ALS2: variants seen among roughly 807,000 people sequenced by gnomAD.
ALS2 encodes the protein alsin Rho guanine nucleotide exchange factor ALS2.
Under a neutral mutation model 203.4 loss-of-function variants are expected in ALS2, and 117 were observed. That is an observed-to-expected ratio of 0.58 (90% CI 0.50 to 0.67). ALS2 has a LOEUF of 0.67. Among genes scored for constraint, ALS2 ranks in the 30% least tolerant of loss-of-function variants. The pLI is 0.00. For missense variants in ALS2, 1,715 were observed against 1,989.4 expected, an observed-to-expected ratio of 0.86 and a Z score of 2.62; for synonymous variants, 718 against 725.9, an observed-to-expected ratio of 0.99 and a Z score of 0.17.
At chr2:201,735,406 G>T (rs1691814548) in intron 12 of ALS2, among the ~76,000 whole-genome samples, 1 of 152,130 alleles carries the variant, frequency 6.6e-6, no homozygotes, top group Non-Finnish European at 1.5e-5. Flanking sequence ...AAAAAAACTT[G>T]CATAATAATC....
chr2:201,724,943 C>T (rs1457820470), intron 20 of ALS2, among the ~76,000 whole-genome samples: 1 of 151,938 alleles, frequency 6.6e-6, no homozygotes, highest in Non-Finnish European at 1.5e-5. Context: ...GAAACCCTGT[C>T]TCTACTAAAA....
intron 1 of ALS2, 78 bp from the exon 2 acceptor site, chr2:201,769,023 T>G: frequency 1.5e-6 from 1 of 668,014 alleles, no homozygotes; most frequent in South Asian, 2.0e-5. Context: ...AAAGCAGCCC[T>G]CTAACAAGTG....
chr2:201,765,731 T>C (rs1281051353), intron 3 of ALS2: 3 of 167,082 alleles, frequency 1.8e-5, no homozygotes, highest in Non-Finnish European at 4.4e-5. Flanking sequence ...GTTGATAAAG[T>C]GCCATTAAGA....
chr2:201,702,305 C>T (rs1340409378), intron 33 of ALS2, among the ~76,000 whole-genome samples: 3 of 151,904 alleles, frequency 2.0e-5, no homozygotes, highest in Non-Finnish European at 4.4e-5. Flanking sequence ...GGAGTCATAA[C>T]TTCCAAGAAT....
chr2:201,738,678 C>T lies in ALS2; in HGVS notation c.2409G>A (p.Lys803=). ...LVMGGFQLLA[K]PAIDFLNKNQ... ...GGTGTGGGTTTGCTTACATGGCAGG[C>T]TTAGCAAGAAGCTGGAATCCTCCCA... The change falls in exon 12 of 34, where the codon AAG becomes AAA. Residue 803 remains lysine, a synonymous_variant. Transcript: ENST00000264276. The T allele has an allele frequency of 1.9e-6, 3 of 1,613,926 alleles. No individual in the cohort carries two copies. The highest frequency in any genetic ancestry group is 2.5e-6 in the Non-Finnish European group (3 of 1,179,866).
rs994119901 is a variant in ALS2 at position 201,746,825 on chromosome 2, G to A, written c.1816-77C>T. On this transcript the variant is annotated intron_variant, in intron 8 of 33. Coordinates refer to ENST00000264276, the MANE Select transcript of ALS2 (RefSeq NM_020919.4). ...ACTTCGGATCCACAGGAACTGAAAC[G>A]TTAGGTTGCTTAAATAAGCGTGGTG... is the stretch of plus-strand genomic sequence containing the variant. 25 of 1,539,902 alleles carry A rather than the reference G, an allele frequency of 1.6e-5. 1 individual carries two copies. The highest frequency in any genetic ancestry group is 1.5e-4 in the South Asian group (13 of 89,388).
At chr2:201,718,553 G>A (rs940564600) in intron 23 of ALS2, among the ~76,000 whole-genome samples, 5 of 152,108 alleles carry the variant, frequency 3.3e-5, no homozygotes, top group South Asian at 4.1e-4. Context: ...GAGCTACCAC[G>A]CCCAGCCCTC....
In ALS2 at chr2:201,706,925, C is replaced by T; in HGVS notation, c.4501G>A (p.Glu1501Lys). ...AGGACACATTCCCAGTAAATGTCTTCCTCGCGATCATTATCCAAAGCATAA... is the reference window on the plus strand; with the variant it reads ...AGGACACATTCCCAGTAAATGTCTTTCTCGCGATCATTATCCAAAGCATAA... ...MLYALDNDREEDIYWECVLRL... is the reference protein window; with the variant it reads ...MLYALDNDREKDIYWECVLRL... Residue 1501 changes from glutamate to lysine, a missense_variant, in exon 29 of 34, where the codon GAA (glutamate) becomes AAA (lysine). Physicochemically the swap from Glu to Lys is moderately conservative, Grantham distance 56. Transcript: ENST00000264276. The T allele has an allele frequency of 8.7e-6, 14 of 1,614,058 alleles. No homozygotes were observed. The highest frequency in any genetic ancestry group is 1.2e-5 in the Non-Finnish European group (14 of 1,179,994).
At chr2:201,737,950 A>G (rs979793736) in intron 12 of ALS2, among the ~76,000 whole-genome samples, 5 of 152,022 alleles carry the variant, frequency 3.3e-5, no homozygotes, top group Admixed American at 2.0e-4. Flanking sequence ...ATGGCAAAAC[A>G]TTAACATCTG....
intron 10 of ALS2, among the ~76,000 whole-genome samples, chr2:201,743,091 G>C (rs932256611): frequency 2.1e-5 from 3 of 142,596 alleles, no homozygotes; most frequent in African/African-American, 7.6e-5. Context: ...AAAAAAGAAA[G>C]AAACAATGGG....
At chr2:201,764,631 C>G (rs1559086717) in intron 3 of ALS2, among the ~76,000 whole-genome samples, 2 of 127,218 alleles carry the variant, frequency 1.6e-5, no homozygotes, top group Non-Finnish European at 3.3e-5. Context: ...GAGACTCCGT[C>G]TCAAAATAAA....
rs1559034841 is a variant in ALS2 at position 201,710,982 on chromosome 2, C to T, written c.4122+9G>A. 1 of 1,511,818 alleles carries T rather than the reference C, an allele frequency of 6.6e-7. No homozygotes were observed. Among genetic ancestry groups the T allele is most frequent in the Non-Finnish European group, 9.2e-7 (1 of 1,087,420 alleles). 93.7% of individuals were successfully genotyped at this position (1,511,818 alleles called of 1,614,324 possible). On this transcript the variant is annotated intron_variant, in intron 26 of 33. Transcript: ENST00000264276. ...TCACAAGACCAATGTAATTTTTACTCTAGTTTACCTTTATTAAATATTTCC... is the reference window on the plus strand; with the variant it reads ...TCACAAGACCAATGTAATTTTTACTTTAGTTTACCTTTATTAAATATTTCC...
intron 11 of ALS2, 174 bp downstream of exon 11, chr2:201,741,500 A>T: frequency 1.5e-6 from 1 of 666,638 alleles, no homozygotes; most frequent in Non-Finnish European, 2.6e-6. Context: ...TCATTTAGAG[A>T]AGACTAAATT....
intron 1 of ALS2, among the ~76,000 whole-genome samples, chr2:201,769,271 T>C (rs1694258858): frequency 2.0e-5 from 3 of 152,204 alleles, no homozygotes; most frequent in Admixed American, 1.3e-4. Flanking sequence ...ATGTGTTAAG[T>C]ACAAAAAGTA....
At position 201,710,018 on chromosome 2, in the gene ALS2, G is replaced by T. The variant is rs1277555295; in HGVS notation, c.4143C>A (p.His1381Gln). The T allele has an allele frequency of 6.2e-7, 1 of 1,613,922 alleles. No homozygotes were observed. The highest frequency in any genetic ancestry group is 1.1e-5 in the South Asian group (1 of 91,072). Residue 1381 changes from histidine (H) to glutamine (Q), a missense_variant, in exon 27 of 34, where the codon CAC becomes CAA. This residue lies in a region of ALS2 where 1,227 missense variants were observed against 1,413.5 expected (regional missense o/e 0.87). Transcript: ENST00000264276. ...GTGTCTCCACAAGCCTGCCCAGGGGGTGCAGAGGAGTGTCACAGGCCTGAG... is the reference window on the plus strand; with the variant it reads ...GTGTCTCCACAAGCCTGCCCAGGGGTTGCAGAGGAGTGTCACAGGCCTGAG... ...YLIKACDTPLHPLGRLVETLV... is the reference protein window; with the variant it reads ...YLIKACDTPLQPLGRLVETLV...
At chr2:201,726,455 T>C in intron 19 of ALS2, 29 bp downstream of exon 19, 1 of 1,587,094 alleles carries the variant, frequency 6.3e-7, no homozygotes, top group Non-Finnish European at 8.7e-7. Context: ...AACTTGAATT[T>C]ACTGTCATGT....
chr2:201,767,098 T>A, intron 3 of ALS2, 131 bp downstream of exon 3: 2 of 1,062,618 alleles, frequency 1.9e-6, no homozygotes, highest in Non-Finnish European at 2.7e-6. Flanking sequence ...ATAATAATAA[T>A]AAAATTTAAA....
intron 9 of ALS2, among the ~76,000 whole-genome samples, chr2:201,745,824 CT>C (rs796699300): frequency 7.9e-5 from 12 of 152,254 alleles, no homozygotes; most frequent in African/African-American, 2.9e-4. Context: ...TGGTGGGCAC[CT>C]GTAATCTCAG....
chr2:201,727,087 G>C, intron 17 of ALS2, 125 bp downstream of exon 17: 1 of 1,038,684 alleles, frequency 9.6e-7, no homozygotes, highest in Non-Finnish European at 1.5e-6. Flanking sequence ...TTGGGTTAAT[G>C]AAGATTTATC....
Sources: allele counts gnomAD v4.1 joint callset (sites outside exome capture counted in the v4.1 genomes callset), GRCh38; gene constraint gnomAD v4.1.1; regional missense constraint gnomAD v4.1.1; transcripts MANE v1.5; gene names NCBI Gene and HGNC (gene_info 2026-07-23, HGNC 2026-07-21).